Variants in NEGR1 observed in about 807,000 individuals in gnomAD.
NEGR1 encodes the protein IgLON family member 4.
Under a neutral mutation model 40.9 loss-of-function variants are expected in NEGR1, and 10 were observed. The ratio of observed to expected loss-of-function variants is 0.24; its 90% confidence interval spans 0.15 to 0.42. The LOEUF is 0.42. Ranked by LOEUF, NEGR1 falls within the 10% of genes least tolerant of loss-of-function variation. The pLI, the probability that NEGR1 is intolerant of heterozygous loss-of-function variation, is 1.00. For missense variants in NEGR1, 352 were observed against 438.9 expected (o/e 0.80, Z 1.77); for synonymous variants, 185 against 166.8 (o/e 1.11, Z -0.84).
intron 5 of NEGR1, among the ~76,000 whole-genome samples, chr1:71,601,180 G>A (rs1259419121): frequency 1.3e-5 from 2 of 152,064 alleles, no homozygotes; most frequent in African/African-American, 4.8e-5. Flanking sequence ...GAAATATTTT[G>A]TGAAGACATA....
intron 1 of NEGR1, among the ~76,000 whole-genome samples, chr1:72,044,216 A>T (rs1646981013): frequency 6.6e-6 from 1 of 151,496 alleles, no homozygotes; most frequent in Non-Finnish European, 1.5e-5. Flanking sequence ...TTAAGACTTG[A>T]TTACTGGTAA....
intron 4 of NEGR1, among the ~76,000 whole-genome samples, chr1:71,692,754 T>C (rs1024513379): frequency 6.6e-6 from 1 of 151,830 alleles, no homozygotes. Context: ...AACGTGCATA[T>C]TTGCATAAAT....
chr1:71,888,087 T>C (rs1361223022), intron 2 of NEGR1, among the ~76,000 whole-genome samples: 7 of 151,914 alleles, frequency 4.6e-5, no homozygotes, highest in African/African-American at 1.7e-4. Flanking sequence ...AACGGCTCCA[T>C]AATTTATTCT....
intron 6 of NEGR1, among the ~76,000 whole-genome samples, chr1:71,521,533 A>G (rs1389422715): frequency 6.6e-6 from 1 of 152,004 alleles, no homozygotes; most frequent in South Asian, 2.1e-4. Context: ...ACACTCTACT[A>G]TATTTCTTGA....
At chr1:71,461,397 T>C (rs918117378) in intron 6 of NEGR1, among the ~76,000 whole-genome samples, 4 of 152,198 alleles carry the variant, frequency 2.6e-5, no homozygotes, top group Admixed American at 2.0e-4. Context: ...TTGGTCATGA[T>C]TGCCAAATTT....
chr1:72,122,586 T>C (rs1262981491), intron 1 of NEGR1, among the ~76,000 whole-genome samples: 1 of 151,894 alleles, frequency 6.6e-6, no homozygotes, highest in Non-Finnish European at 1.5e-5. Flanking sequence ...TCATATATTA[T>C]TTGTATATTT....
intron 1 of NEGR1, among the ~76,000 whole-genome samples, chr1:71,941,246 T>C (rs944618752): frequency 6.6e-6 from 1 of 152,084 alleles, no homozygotes; most frequent in Non-Finnish European, 1.5e-5. Context: ...AGAGTTTTGA[T>C]ATCCCAATTT....
chr1:71,887,847 T>G (rs1017076116), intron 2 of NEGR1, among the ~76,000 whole-genome samples: 7 of 152,108 alleles, frequency 4.6e-5, no homozygotes, highest in African/African-American at 1.4e-4. Context: ...AAAGATCAGG[T>G]GGAAACAACC....
intron 2 of NEGR1, among the ~76,000 whole-genome samples, chr1:71,906,948 G>T (rs546964194): frequency 2.0e-4 from 30 of 152,146 alleles, no homozygotes; most frequent in Non-Finnish European, 3.4e-4. Context: ...TTTACCTGCA[G>T]GATTTTCTTG....
At chr1:72,200,996 T>C (rs1653185197) in intron 1 of NEGR1, among the ~76,000 whole-genome samples, 1 of 151,878 alleles carries the variant, frequency 6.6e-6, no homozygotes, top group Non-Finnish European at 1.5e-5. Context: ...TCTCCTTATA[T>C]ACTATTATAA....
chr1:72,077,715 A>G (rs1209481366), intron 1 of NEGR1, among the ~76,000 whole-genome samples: 1 of 152,092 alleles, frequency 6.6e-6, no homozygotes, highest in African/African-American at 2.4e-5. Context: ...AGGGAGGCTG[A>G]GGTGGGAGGA....
chr1:71,633,833 C>T (rs952946654), intron 4 of NEGR1, among the ~76,000 whole-genome samples: 3 of 152,042 alleles, frequency 2.0e-5, no homozygotes, highest in African/African-American at 4.8e-5. Flanking sequence ...TACAAAAGCA[C>T]GCAGCCCATG....
At chr1:71,833,922 T>C (rs1305888125) in intron 2 of NEGR1, among the ~76,000 whole-genome samples, 1 of 152,152 alleles carries the variant, frequency 6.6e-6, no homozygotes, top group Non-Finnish European at 1.5e-5. Flanking sequence ...TCTGCCTAAA[T>C]TATTCAGCTT....
rs76223936 is a variant in NEGR1, at chr1:72,047,142, T to C, written c.177-111831A>G. ...ATTAGTTTTGCTGTTTTGTTTTGTT[T>C]TTTTTTTGTGCCAGCAATCTGTTCT... On this transcript the variant is annotated intron_variant, in intron 1 of 6. Coordinates refer to ENST00000357731, the MANE Select transcript of NEGR1 (RefSeq NM_173808.3). 3.8e-4 allele frequency among the ~76,000 whole-genome samples: 58 copies of C among 151,610 alleles called. No individual in the cohort carries two copies. The East Asian group carries it at 0.011, about 28-fold the overall frequency.
At chr1:71,787,905 C>T (rs1014045588) in intron 2 of NEGR1, among the ~76,000 whole-genome samples, 9 of 152,084 alleles carry the variant, frequency 5.9e-5, no homozygotes, top group African/African-American at 2.2e-4. Flanking sequence ...TGTTTGTTTT[C>T]TTATAAAAGT....
rs36111844 is a variant in NEGR1, at chr1:71,430,703, C to CT, written c.941-23134dup. 7.9e-4 allele frequency among the ~76,000 whole-genome samples: 57 copies of CT among 71,790 alleles called. 1 individual carries two copies. Among genetic ancestry groups the CT allele is most frequent in the African/African-American group, 2.9e-3 (55 of 18,772 alleles). 47.1% of individuals were successfully genotyped at this position (71,790 alleles called of 152,430 possible). On this transcript the variant is annotated intron_variant, in intron 6 of 6. Coordinates refer to ENST00000357731, the MANE Select transcript of NEGR1 (RefSeq NM_173808.3). ...CTCCATATAAGAATTAAAAAAAGGC[C>CT]TTTTTTTTTTTTTTTTTTTTTGAGA... is the stretch of plus-strand genomic sequence containing the variant.
chr1:71,946,726 A>G (rs1025268501), intron 1 of NEGR1, among the ~76,000 whole-genome samples: 1 of 151,820 alleles, frequency 6.6e-6, no homozygotes, highest in African/African-American at 2.4e-5. Context: ...TGAACATACA[A>G]ATCTAAGTGA....
chr1:71,924,155 G>A (rs1216041983), intron 2 of NEGR1, among the ~76,000 whole-genome samples: 1 of 152,128 alleles, frequency 6.6e-6, no homozygotes, highest in Admixed American at 6.6e-5. Context: ...GGGATTATAG[G>A]CTAGCCCTGT....
chr1:71,434,404 T>C (rs1295058432), intron 6 of NEGR1, among the ~76,000 whole-genome samples: 1 of 152,144 alleles, frequency 6.6e-6, no homozygotes, highest in Admixed American at 6.5e-5. Flanking sequence ...ATTGTAGTAC[T>C]GTAACAATTT....
Sources: gnomAD v4.1 joint callset for allele counts (sites outside exome capture counted in the v4.1 genomes callset) on GRCh38, gnomAD v4.1.1 for gene constraint, MANE v1.5 for transcripts, NCBI Gene and HGNC (gene_info 2026-07-23, HGNC 2026-07-21) for gene names.